CNTNAP5: variants seen among roughly 807,000 people sequenced by gnomAD.
CNTNAP5 encodes contactin associated protein family member 5, also known as contactin-associated protein-like 5.
In CNTNAP5, 72 loss-of-function variants were observed where a neutral mutation model predicts 150.2. The ratio of observed to expected loss-of-function variants is 0.48; its 90% CI spans 0.40 to 0.58. The LOEUF (loss-of-function observed/expected upper bound fraction) is 0.58, where lower values mean the gene tolerates loss of function less well. Ranked by LOEUF, CNTNAP5 falls within the 20% of genes least tolerant of loss-of-function variation. The pLI, the probability that CNTNAP5 is intolerant of heterozygous loss-of-function variation, is 0.00. For synonymous variants in CNTNAP5, 672 were observed against 619.8 expected (o/e 1.08, Z -1.25); for missense variants, 1,636 against 1,626.2 (o/e 1.01, Z -0.10).
At chr2:124,786,206 T>C (rs114468635) in intron 17 of CNTNAP5, among the ~76,000 whole-genome samples, 1,767 of 151,254 alleles carry the variant, frequency 0.012, 33 homozygotes, top group African/African-American at 0.04. Flanking sequence ...GAGGCTGCAG[T>C]GCGCTATGAT....
chr2:124,605,415 G>T (rs1341129823), intron 11 of CNTNAP5, among the ~76,000 whole-genome samples: 1 of 152,216 alleles, frequency 6.6e-6, no homozygotes, highest in Admixed American at 6.5e-5. Flanking sequence ...CTTTGTATTT[G>T]AAAGTTTCTG....
At chr2:124,223,695 C>T (rs1686383396) in intron 2 of CNTNAP5, among the ~76,000 whole-genome samples, 1 of 151,886 alleles carries the variant, frequency 6.6e-6, no homozygotes, top group Non-Finnish European at 1.5e-5. Flanking sequence ...CTCTCCCTGA[C>T]AGACAGATAT....
chr2:124,259,968 T>C (rs1270618407), intron 3 of CNTNAP5, among the ~76,000 whole-genome samples: 2 of 152,010 alleles, frequency 1.3e-5, no homozygotes, highest in Non-Finnish European at 2.9e-5. Flanking sequence ...TTCAATGCCA[T>C]CCCCATCAAG....
chr2:124,532,481 G>A (rs1036311574), intron 10 of CNTNAP5, among the ~76,000 whole-genome samples: 5 of 152,150 alleles, frequency 3.3e-5, no homozygotes, highest in Non-Finnish European at 7.3e-5. Context: ...ATCCAGGACA[G>A]GAGAGACAGA....
chr2:124,497,231 G>A (rs1694170947), intron 7 of CNTNAP5, among the ~76,000 whole-genome samples: 1 of 152,134 alleles, frequency 6.6e-6, no homozygotes, highest in Non-Finnish European at 1.5e-5. Flanking sequence ...ACAGTAATAG[G>A]TGTCTTTGGG....
At chr2:124,189,032 A>T (rs541301638) in intron 1 of CNTNAP5, among the ~76,000 whole-genome samples, 1 of 152,294 alleles carries the variant, frequency 6.6e-6, no homozygotes, top group African/African-American at 2.4e-5. Flanking sequence ...CTCCTGCCAA[A>T]CAGACTGAAA....
At chr2:124,534,716 A>T (rs1695189029) in intron 10 of CNTNAP5, among the ~76,000 whole-genome samples, 1 of 152,138 alleles carries the variant, frequency 6.6e-6, no homozygotes, top group African/African-American at 2.4e-5. Flanking sequence ...CTACTGAAAT[A>T]CAAAAAAAAC....
intron 11 of CNTNAP5, among the ~76,000 whole-genome samples, chr2:124,571,921 A>C (rs1052084915): frequency 6.6e-6 from 1 of 152,156 alleles, no homozygotes; most frequent in African/African-American, 2.4e-5. Context: ...TAAGCAAACC[A>C]ATAAAATTCA....
At chr2:124,169,643 T>C (rs553617896) in intron 1 of CNTNAP5, among the ~76,000 whole-genome samples, 1 of 152,322 alleles carries the variant, frequency 6.6e-6, no homozygotes, top group South Asian at 2.1e-4. Context: ...AAGAACCCTA[T>C]CCTGTTGGAT....
intron 3 of CNTNAP5, among the ~76,000 whole-genome samples, chr2:124,254,925 A>G (rs771000306): frequency 3.3e-5 from 5 of 152,172 alleles, no homozygotes; most frequent in Admixed American, 1.3e-4. Flanking sequence ...ACCTCCTTCC[A>G]CTAGATAAGA....
chr2:124,297,787 G>C, intron 3 of CNTNAP5, among the ~76,000 whole-genome samples: 1 of 147,662 alleles, frequency 6.8e-6, no homozygotes, highest in Admixed American at 6.9e-5. Context: ...GAACTACTAA[G>C]CCAGGCAATC....
At position 124,089,799 on chromosome 2, in the gene CNTNAP5, A is replaced by T. The variant is rs150640703; in HGVS notation, c.82+64067A>T. ...GATCATAGCTCTGAAGTGAGAACAG[A>T]GTGTTTACAAGGGCAATGGATGCCT... On this transcript the variant is annotated intron_variant, in intron 1 of 23. Coordinates refer to ENST00000682447, the MANE Select transcript of CNTNAP5 (RefSeq NM_001367498.1). 1.1e-3 allele frequency among the ~76,000 whole-genome samples: 161 copies of T among 152,318 alleles called. 1 individual carries two copies. Among genetic ancestry groups the T allele is most frequent in the African/African-American group, 3.6e-3 (148 of 41,570 alleles).
At chr2:124,029,665 G>T (rs1260620715) in intron 1 of CNTNAP5, among the ~76,000 whole-genome samples, 1 of 151,428 alleles carries the variant, frequency 6.6e-6, no homozygotes, top group East Asian at 1.9e-4. Flanking sequence ...TTTTTCCTTT[G>T]TTCCTCTGCC....
At chr2:124,588,098 TCTTC>T (rs10543998) in intron 11 of CNTNAP5, among the ~76,000 whole-genome samples, 66,169 of 140,878 alleles carry the variant, frequency 0.47, 16,691 homozygotes, top group East Asian at 0.72. Context: ...TTCTTTCTTT[TCTTC>T]CTTCCTTCCC....
At chr2:124,896,208 A>G (rs1162988943) in intron 21 of CNTNAP5, among the ~76,000 whole-genome samples, 1 of 151,572 alleles carries the variant, frequency 6.6e-6, no homozygotes. Context: ...CATGTTGTGG[A>G]TGTAAATGTA....
intron 11 of CNTNAP5, among the ~76,000 whole-genome samples, chr2:124,570,157 A>G (rs1185766259): frequency 6.6e-6 from 1 of 152,184 alleles, no homozygotes; most frequent in Non-Finnish European, 1.5e-5. Flanking sequence ...CACATAGTAG[A>G]TATCCACTCT....
At position 124,915,690 on chromosome 2, in the gene CNTNAP5, CT is replaced by C. The variant is rs1267617207; in HGVS notation, c.*1405del. Among the ~76,000 whole-genome samples the C allele has an allele frequency of 1.3e-5, 2 of 151,990 alleles. No individual in the cohort carries two copies. Among genetic ancestry groups the C allele is most frequent in the African/African-American group, 4.8e-5 (2 of 41,418 alleles). On this transcript the variant is annotated 3_prime_UTR_variant, in exon 24 of 24. Transcript: ENST00000682447. ...AAGAGGTGGTGACAAATTTCAGGGTCTTTGTCCCTTTTGGTAACAAAGCATT... is the reference window on the plus strand; with the variant it reads ...AAGAGGTGGTGACAAATTTCAGGGTCTTGTCCCTTTTGGTAACAAAGCATT...
At chr2:124,670,302 A>T (rs1179631478) in intron 13 of CNTNAP5, among the ~76,000 whole-genome samples, 1 of 144,784 alleles carries the variant, frequency 6.9e-6, no homozygotes, top group Admixed American at 7.0e-5. Flanking sequence ...TGTGGTTTTG[A>T]TTTTCATTCT....
At chr2:124,542,508 A>G (rs939342275) in intron 10 of CNTNAP5, among the ~76,000 whole-genome samples, 1 of 151,964 alleles carries the variant, frequency 6.6e-6, no homozygotes, top group Non-Finnish European at 1.5e-5. Flanking sequence ...GCCACAAAGC[A>G]GCCAGCTGCC....
Sources: allele counts gnomAD v4.1 joint callset (sites outside exome capture counted in the v4.1 genomes callset), GRCh38; gene constraint gnomAD v4.1.1; transcripts MANE v1.5; gene names NCBI Gene and HGNC (gene_info 2026-07-23, HGNC 2026-07-21).